Variants in PRKD1 observed in about 807,000 individuals in gnomAD.
PRKD1 encodes the protein serine/threonine-protein kinase D1.
In PRKD1, 63 loss-of-function variants were observed where a neutral mutation model predicts 95.9. The ratio of observed to expected loss-of-function variants is 0.66; its 90% CI spans 0.54 to 0.81. The LOEUF is 0.81. Ranked by LOEUF, PRKD1 falls within the 30% of genes least tolerant of loss-of-function variation. PRKD1 has a pLI of 0.00. For synonymous variants in PRKD1, 425 were observed against 423.1 expected (o/e 1.00, Z -0.05); for missense variants, 1,048 against 1,165.3 (o/e 0.90, Z 1.47).
At chr14:29,675,692 T>C (rs566038876) in intron 2 of PRKD1, among the ~76,000 whole-genome samples, 3 of 152,164 alleles carry the variant, frequency 2.0e-5, no homozygotes, top group East Asian at 1.9e-4. Flanking sequence ...ACGTTTATTG[T>C]GGCACTAGTC....
At chr14:29,877,044 C>T (rs915577049) in intron 1 of PRKD1, among the ~76,000 whole-genome samples, 2 of 152,186 alleles carry the variant, frequency 1.3e-5, no homozygotes, top group East Asian at 1.9e-4. Flanking sequence ...CCCAACTACT[C>T]GCGAGGCTTA....
At chr14:29,625,200 C>T (rs939090808) in intron 12 of PRKD1, among the ~76,000 whole-genome samples, 1 of 152,110 alleles carries the variant, frequency 6.6e-6, no homozygotes, top group Non-Finnish European at 1.5e-5. Context: ...TCTCTACTTC[C>T]TTAACATCAT....
At chr14:29,722,791 C>T (rs1885960006) in intron 2 of PRKD1, among the ~76,000 whole-genome samples, 1 of 152,170 alleles carries the variant, frequency 6.6e-6, no homozygotes, top group African/African-American at 2.4e-5. Flanking sequence ...ACAGGTATTG[C>T]AGGCCCTGCC....
At chr14:29,888,686 A>G (rs1277461434) in intron 1 of PRKD1, among the ~76,000 whole-genome samples, 3 of 152,220 alleles carry the variant, frequency 2.0e-5, no homozygotes, top group Non-Finnish European at 4.4e-5. Context: ...AAATACAGAA[A>G]GTAGAGGAGT....
intron 2 of PRKD1, among the ~76,000 whole-genome samples, chr14:29,696,985 T>C (rs1454295125): frequency 1.3e-5 from 2 of 151,970 alleles, no homozygotes; most frequent in African/African-American, 2.4e-5. Flanking sequence ...TTGAGCGCCA[T>C]TTTCCTTTGG....
intron 1 of PRKD1, among the ~76,000 whole-genome samples, chr14:29,801,747 G>A (rs1365639190): frequency 6.6e-6 from 1 of 152,128 alleles, no homozygotes; most frequent in Non-Finnish European, 1.5e-5. Flanking sequence ...GGAGTGCAAT[G>A]GCACAATCTC....
intron 1 of PRKD1, among the ~76,000 whole-genome samples, chr14:29,868,906 A>T (rs1180888604): frequency 6.6e-6 from 1 of 152,180 alleles, no homozygotes; most frequent in Non-Finnish European, 1.5e-5. Context: ...TTAGGGAGAA[A>T]TCATATAATT....
At chr14:29,601,286 C>A (rs952602406) in intron 13 of PRKD1, among the ~76,000 whole-genome samples, 3 of 152,190 alleles carry the variant, frequency 2.0e-5, no homozygotes, top group Admixed American at 1.3e-4. Context: ...GATGATAACT[C>A]ATTTCTTAGA....
intron 4 of PRKD1, among the ~76,000 whole-genome samples, chr14:29,663,110 T>TA (rs961573897): frequency 2.8e-5 from 4 of 144,748 alleles, no homozygotes; most frequent in Non-Finnish European, 6.0e-5. Flanking sequence ...ATATAATATA[T>TA]AAAAATATAT....
chr14:29,700,678 C>A (rs1884780819), intron 2 of PRKD1, among the ~76,000 whole-genome samples: 1 of 152,112 alleles, frequency 6.6e-6, no homozygotes, highest in East Asian at 1.9e-4. Flanking sequence ...GAAGGTATTT[C>A]TTGATGAGAT....
intron 1 of PRKD1, among the ~76,000 whole-genome samples, chr14:29,838,694 GAT>G (rs991576639): frequency 2.0e-5 from 3 of 151,858 alleles, no homozygotes; most frequent in South Asian, 4.2e-4. Context: ...TATATAAGAG[GAT>G]ATATATATAA....
At chr14:29,656,476 C>G in intron 4 of PRKD1, 1 of 1,535,402 alleles carries the variant, frequency 6.5e-7, no homozygotes, top group Non-Finnish European at 8.7e-7. Context: ...TAGTACCTAC[C>G]TCAAAGCCAG....
intron 1 of PRKD1, among the ~76,000 whole-genome samples, chr14:29,744,783 G>A (rs1434761662): frequency 6.6e-6 from 1 of 152,088 alleles, no homozygotes; most frequent in Non-Finnish European, 1.5e-5. Context: ...CTAGCCTCAG[G>A]TGATCCACCC....
At chr14:29,782,051 T>C (rs1889072061) in intron 1 of PRKD1, among the ~76,000 whole-genome samples, 1 of 152,222 alleles carries the variant, frequency 6.6e-6, no homozygotes, top group Non-Finnish European at 1.5e-5. Flanking sequence ...TACACCCTAA[T>C]ATTCCTTGAA....
At chr14:29,917,741 T>A (rs184455278) in intron 1 of PRKD1, among the ~76,000 whole-genome samples, 2 of 152,248 alleles carry the variant, frequency 1.3e-5, no homozygotes, top group East Asian at 3.9e-4. Context: ...AAGCTTCAAC[T>A]GTCAAGATAC....
chr14:29,749,031 T>C (rs935651041), intron 1 of PRKD1, among the ~76,000 whole-genome samples: 3 of 150,610 alleles, frequency 2.0e-5, no homozygotes, highest in African/African-American at 7.3e-5. Context: ...TAACTATAAG[T>C]ATATGTAGGA....
At chr14:29,785,578 G>T (rs558328342) in intron 1 of PRKD1, among the ~76,000 whole-genome samples, 2 of 146,996 alleles carry the variant, frequency 1.4e-5, no homozygotes, top group Non-Finnish European at 3.0e-5. Context: ...TGATTGTTCC[G>T]AATAAGACTT....
chr14:29,680,910 G>A (rs928423093), intron 2 of PRKD1, among the ~76,000 whole-genome samples: 3 of 152,140 alleles, frequency 2.0e-5, no homozygotes, highest in African/African-American at 7.2e-5. Context: ...AGGAGAACCA[G>A]GAGCACTCAG....
chr14:29,892,507 CA>C (rs1279543933), intron 1 of PRKD1, among the ~76,000 whole-genome samples: 1 of 151,294 alleles, frequency 6.6e-6, no homozygotes, highest in Non-Finnish European at 1.5e-5. Flanking sequence ...TCCATGTTGA[CA>C]GATCTCACAA....
Sources: allele counts gnomAD v4.1 joint callset (sites outside exome capture counted in the v4.1 genomes callset), GRCh38; gene constraint gnomAD v4.1.1; transcripts MANE v1.5; gene names NCBI Gene and HGNC (gene_info 2026-07-23, HGNC 2026-07-21).